The following DIP2B variants were observed in gnomAD, a reference collection of about 807,000 sequenced individuals.
DIP2B encodes disco-interacting protein 2 homolog B.
Under a neutral mutation model 198.0 loss-of-function variants are expected in DIP2B, and 76 were observed. That is an observed-to-expected ratio of 0.38 (90% CI 0.32 to 0.46). The LOEUF (loss-of-function observed/expected upper bound fraction) is 0.46. Among genes scored for constraint, DIP2B ranks in the 20% least tolerant of loss-of-function variants. The probability of loss-of-function intolerance (pLI) is 0.99; values close to 1 mark genes in which losing one functional copy is unlikely to be tolerated. For missense variants in DIP2B, 1,559 were observed against 1,978.4 expected (o/e 0.79, Z 4.02); for synonymous variants, 701 against 739.1 (o/e 0.95, Z 0.84).
At chr12:50,601,109 A>G (rs1022278882) in intron 1 of DIP2B, among the ~76,000 whole-genome samples, 2 of 152,040 alleles carry the variant, frequency 1.3e-5, no homozygotes, top group Non-Finnish European at 2.9e-5. Context: ...TTATGGTATA[A>G]TTTGTCTTGT....
At chr12:50,644,327 T>C (rs982613441) in intron 3 of DIP2B, among the ~76,000 whole-genome samples, 1 of 152,238 alleles carries the variant, frequency 6.6e-6, no homozygotes, top group East Asian at 1.9e-4. Context: ...AGTGATCTTA[T>C]TGTAAGTCAT....
chr12:50,630,011 G>A (rs1339434842), intron 2 of DIP2B, among the ~76,000 whole-genome samples: 5 of 149,220 alleles, frequency 3.4e-5, no homozygotes, highest in South Asian at 2.1e-4. Flanking sequence ...GTGCAGTGGC[G>A]CGATCTCGGC....
At position 50,683,144 on chromosome 12, in the gene DIP2B, C is replaced by G. The variant is rs369314346; in HGVS notation, c.1213C>G (p.Leu405Val). 2 of 1,603,622 alleles carry G rather than the reference C, an allele frequency of 1.2e-6. No homozygotes were observed. The highest frequency in any genetic ancestry group is 2.7e-5 in the African/African-American group (2 of 74,338). The change falls in exon 10 of 38, where the codon CTG (leucine) becomes GTG (valine). Residue 405 changes from leucine (L) to valine (V), a missense_variant. Transcript: ENST00000301180. ...ATATCATTATGAATTTTAGGTAGCC[C>G]TGGTTTACCCCAACAATGATCCAGT... Reference protein sequence around the residue: ...PVLKPGDRVALVYPNNDPVMF... With the variant: ...PVLKPGDRVAVVYPNNDPVMF...
chr12:50,538,942 C>T (rs1593590544), intron 1 of DIP2B, among the ~76,000 whole-genome samples: 1 of 152,116 alleles, frequency 6.6e-6, no homozygotes, highest in Non-Finnish European at 1.5e-5. Flanking sequence ...TCTTACTCAA[C>T]TGCTGTTGTT....
chr12:50,528,503 T>C (rs1183029246), intron 1 of DIP2B, among the ~76,000 whole-genome samples: 3 of 151,822 alleles, frequency 2.0e-5, no homozygotes, highest in African/African-American at 7.3e-5. Flanking sequence ...TATAAGTCTA[T>C]TATGCTGCTG....
At position 50,543,766 on chromosome 12, in the gene DIP2B, A is replaced by C. The variant is rs1958348044; in HGVS notation, c.100+38526A>C. Among the ~76,000 whole-genome samples, 2 of 151,640 alleles carry C rather than the reference A, an allele frequency of 1.3e-5. 1 individual carries two copies. The highest frequency in any genetic ancestry group is 4.8e-5 in the African/African-American group (2 of 41,290). On this transcript the variant is annotated intron_variant, in intron 1 of 37. Transcript: ENST00000301180. Reference sequence around the variant, plus strand: ...GGATGAAACCCTGTCTCTACTAATAATACAAACATTAGCTGGGCATAGTGG... The same window carrying C: ...GGATGAAACCCTGTCTCTACTAATACTACAAACATTAGCTGGGCATAGTGG...
chr12:50,626,470 T>C (rs531225995), intron 2 of DIP2B, among the ~76,000 whole-genome samples: 387 of 152,314 alleles, frequency 2.5e-3, no homozygotes, highest in Middle Eastern at 3.4e-3. Flanking sequence ...AATGAACTTG[T>C]AGATTAATTC....
At chr12:50,553,476 G>A (rs189363958) in intron 1 of DIP2B, among the ~76,000 whole-genome samples, 4 of 152,176 alleles carry the variant, frequency 2.6e-5, no homozygotes, top group African/African-American at 7.2e-5. Context: ...ACAAGAGACA[G>A]CCTGTATGTT....
intron 26 of DIP2B, 120 bp from the exon 27 acceptor site, chr12:50,723,082 A>G: frequency 8.2e-7 from 1 of 1,226,216 alleles, no homozygotes; most frequent in Non-Finnish European, 1.1e-6. Flanking sequence ...TCTTTGTTAA[A>G]TTATGGTCTA....
intron 4 of DIP2B, among the ~76,000 whole-genome samples, chr12:50,661,388 T>C (rs1938644424): frequency 1.3e-5 from 2 of 152,188 alleles, no homozygotes; most frequent in South Asian, 2.1e-4. Context: ...ACTGATCCTA[T>C]TCCCTGATCC....
At chr12:50,518,192 C>CT (rs1233497382) in intron 1 of DIP2B, among the ~76,000 whole-genome samples, 1 of 150,890 alleles carries the variant, frequency 6.6e-6, no homozygotes, top group Non-Finnish European at 1.5e-5. Context: ...AGGAGTCATG[C>CT]TGAATTGGGT....
chr12:50,651,372 GT>G (rs1938449916), intron 3 of DIP2B, among the ~76,000 whole-genome samples: 1 of 152,100 alleles, frequency 6.6e-6, no homozygotes, highest in Admixed American at 6.5e-5. Context: ...ACTGCCTGTG[GT>G]TTTGCTGTCG....
chr12:50,709,657 C>A (rs1243579246), intron 22 of DIP2B, among the ~76,000 whole-genome samples: 1 of 151,534 alleles, frequency 6.6e-6, no homozygotes, highest in Non-Finnish European at 1.5e-5. Flanking sequence ...AAAAAATTAT[C>A]CAGGCATAGT....
In DIP2B at chr12:50,678,710, G is replaced by T. The variant is rs764883363; in HGVS notation, c.948G>T (p.Pro316=). 47 of 1,614,054 alleles carry T rather than the reference G, an allele frequency of 2.9e-5. No homozygotes were observed. Among genetic ancestry groups the T allele is most frequent in the Non-Finnish European group, 3.9e-5 (46 of 1,180,036 alleles). The change falls in exon 8 of 38, where the codon CCG becomes CCT. Residue 316 remains proline (P), a synonymous_variant. Coordinates refer to ENST00000301180, the MANE Select transcript of DIP2B (RefSeq NM_173602.3). Reference sequence around the variant, plus strand: ...AGCCAGACCCCAACCAGCCCAAGCCGGAGGGACGGCAGATGACCCCTGTGA... The same window carrying T: ...AGCCAGACCCCAACCAGCCCAAGCCTGAGGGACGGCAGATGACCCCTGTGA... ...VPQPDPNQPK[P]EGRQMTPVKG... is the part of the protein sequence containing the mutation.
intron 12 of DIP2B, among the ~76,000 whole-genome samples, chr12:50,689,412 G>A (rs1169077890): frequency 6.6e-6 from 1 of 152,122 alleles, no homozygotes; most frequent in African/African-American, 2.4e-5. Flanking sequence ...CAGTTATTCA[G>A]GTGAGCCCAA....
rs1463040482 is a variant in DIP2B at position 50,714,520 on chromosome 12, A to G, written c.2775A>G (p.Ser925=). The G allele has an allele frequency of 6.2e-7, 1 of 1,614,210 alleles. No homozygotes were observed. The highest frequency in any genetic ancestry group is 8.5e-7 in the Non-Finnish European group (1 of 1,180,034). The change falls in exon 23 of 38, where the codon TCA becomes TCG. Residue 925 remains serine, a synonymous_variant. Transcript: ENST00000301180. The part of the protein sequence containing the change: ...SQTKQLFLEG[S]LHPCNILMCP... Reference sequence around the variant, plus strand: ...CGAAACAACTCTTTCTGGAGGGATCACTGCATCCTTGCAACATCCTCATGT... The same window carrying G: ...CGAAACAACTCTTTCTGGAGGGATCGCTGCATCCTTGCAACATCCTCATGT...
At chr12:50,516,809 T>C (rs1405558627) in intron 1 of DIP2B, among the ~76,000 whole-genome samples, 3 of 151,904 alleles carry the variant, frequency 2.0e-5, no homozygotes, top group Non-Finnish European at 4.4e-5. Flanking sequence ...ACCCTATCAG[T>C]ACTAAAAATG....
intron 1 of DIP2B, among the ~76,000 whole-genome samples, chr12:50,595,877 A>G (rs1958874356): frequency 6.6e-6 from 1 of 152,194 alleles, no homozygotes; most frequent in African/African-American, 2.4e-5. Flanking sequence ...AAGTGCTCCC[A>G]CCGTCTCCTC....
chr12:50,539,977 A>G (rs1171261572), intron 1 of DIP2B, among the ~76,000 whole-genome samples: 2 of 142,456 alleles, frequency 1.4e-5, no homozygotes, highest in Non-Finnish European at 3.0e-5. Flanking sequence ...CCCAGCTTCT[A>G]TGGCATCCCA....
Sources: allele counts gnomAD v4.1 joint callset (sites outside exome capture counted in the v4.1 genomes callset), GRCh38; gene constraint gnomAD v4.1.1; transcripts MANE v1.5; gene names NCBI Gene and HGNC (gene_info 2026-07-23, HGNC 2026-07-21).